Variants in PLD1 observed in about 807,000 individuals in gnomAD.
The protein encoded by PLD1 is choline phosphatase 1.
PLD1 carries 112 observed loss-of-function variants against 137.1 expected under a neutral mutation model. The ratio of observed to expected loss-of-function variants is 0.82; its 90% CI spans 0.70 to 0.96. The LOEUF (loss-of-function observed/expected upper bound fraction) is 0.96. Among genes scored for constraint, PLD1 ranks in the 40% least tolerant of loss-of-function variants. The probability of loss-of-function intolerance (pLI) is 0.00; values close to 1 mark genes in which losing one functional copy is unlikely to be tolerated. For missense variants in PLD1, 1,321 were observed against 1,342.0 expected (o/e 0.98, Z 0.24); for synonymous variants, 431 against 454.7 (o/e 0.95, Z 0.66).
intron 1 of PLD1, among the ~76,000 whole-genome samples, chr3:171,769,910 C>T (rs1158427577): frequency 6.6e-6 from 1 of 152,154 alleles, no homozygotes; most frequent in Admixed American, 6.5e-5. Context: ...AACACTAGTA[C>T]ATTACCCTGA....
chr3:171,701,107 T>C (rs1716200861), intron 11 of PLD1, among the ~76,000 whole-genome samples: 1 of 152,338 alleles, frequency 6.6e-6, no homozygotes, highest in Non-Finnish European at 1.5e-5. Context: ...ATCAATTTTA[T>C]GCTCTATTTC....
intron 21 of PLD1, chr3:171,653,449 C>G (rs550055065): frequency 6.6e-6 from 1 of 152,068 alleles, no homozygotes; most frequent in East Asian, 1.9e-4. Context: ...AAATTGATTC[C>G]CAGGAAGAGT....
chr3:171,673,007 CTTA>C (rs989685279), intron 19 of PLD1, among the ~76,000 whole-genome samples: 26 of 152,300 alleles, frequency 1.7e-4, no homozygotes, highest in African/African-American at 6.3e-4. Context: ...TCAACAGATA[CTTA>C]TTAACATCAG....
intron 8 of PLD1, chr3:171,721,656 C>T (rs955834102): frequency 7.2e-5 from 11 of 152,108 alleles, no homozygotes; most frequent in Non-Finnish European, 1.5e-4. Flanking sequence ...GAGGAGTGGT[C>T]AGAAGGAATC....
At chr3:171,782,080 G>A (rs911670336) in intron 1 of PLD1, among the ~76,000 whole-genome samples, 6 of 152,192 alleles carry the variant, frequency 3.9e-5, no homozygotes, top group Admixed American at 3.9e-4. Flanking sequence ...TGATACACAT[G>A]ATATGAATAC....
At chr3:171,727,071 T>C (rs1437345408) in intron 6 of PLD1, among the ~76,000 whole-genome samples, 2 of 152,198 alleles carry the variant, frequency 1.3e-5, no homozygotes, top group Non-Finnish European at 2.9e-5. Context: ...ATGAAGATAA[T>C]CTAATTTTAT....
intron 22 of PLD1, among the ~76,000 whole-genome samples, chr3:171,644,198 T>C (rs1190780939): frequency 6.6e-6 from 1 of 152,132 alleles, no homozygotes; most frequent in Non-Finnish European, 1.5e-5. Flanking sequence ...GAGATTTTGG[T>C]TAAGTGACCC....
intron 23 of PLD1, among the ~76,000 whole-genome samples, chr3:171,638,050 C>CG (rs927491647): frequency 6.6e-6 from 1 of 151,864 alleles, no homozygotes; most frequent in Non-Finnish European, 1.5e-5. Context: ...CCAGGTGCGG[C>CG]GATGGGCGCC....
At chr3:171,652,804 T>G (rs1736902197) in intron 21 of PLD1, among the ~76,000 whole-genome samples, 1 of 127,076 alleles carries the variant, frequency 7.9e-6, no homozygotes, top group South Asian at 2.6e-4. Flanking sequence ...TTGTAGAGAC[T>G]AGGTCTCACT....
At chr3:171,748,075 A>G (rs1720378242) in intron 1 of PLD1, among the ~76,000 whole-genome samples, 1 of 152,248 alleles carries the variant, frequency 6.6e-6, no homozygotes, top group South Asian at 2.1e-4. Flanking sequence ...ATCACCCAGA[A>G]GACAAAAACT....
intron 9 of PLD1, among the ~76,000 whole-genome samples, chr3:171,711,299 T>C (rs1717207836): frequency 6.6e-6 from 1 of 151,064 alleles, no homozygotes. Flanking sequence ...GCCTCCTAAG[T>C]AGCTGGGACT....
intron 9 of PLD1, 34 bp from the exon 10 acceptor site, chr3:171,709,743 G>T: frequency 6.3e-7 from 1 of 1,592,748 alleles, no homozygotes; most frequent in Admixed American, 1.7e-5. Context: ...GAAAAGACTG[G>T]TCACTCTGTT....
In PLD1 at chr3:171,612,436, T is replaced by C; in HGVS notation, c.2729-4A>G. The C allele has an allele frequency of 3.7e-6, 6 of 1,613,732 alleles. No individual in the cohort carries two copies. Among genetic ancestry groups the C allele is most frequent in the Non-Finnish European group, 5.1e-6 (6 of 1,179,664 alleles). On this transcript the variant is annotated splice_region_variant and splice_polypyrimidine_tract_variant and intron_variant, in intron 24 of 26. Transcript: ENST00000351298. The surrounding 1 kb of genome is among the most constrained non-coding windows in gnomAD (Gnocchi z 4.1). ...CGGTCATTTATGTTGGCAGAGCCTG[T>C]AAGGAGAAACAGTGAGGCTGAACAA...
rs534096737 is a variant in PLD1 at position 171,706,024 on chromosome 3, A to ACCATT, written c.1145+2726_1145+2730dup. On this transcript the variant is annotated intron_variant, in intron 11 of 26. Coordinates refer to ENST00000351298, the MANE Select transcript of PLD1 (RefSeq NM_002662.5). ...TGCTCTTTAAAGAAAAAGGTTACTAACCATTTTTGAAAGTCAGTGGCTTTA... is the reference window on the plus strand; with the variant it reads ...TGCTCTTTAAAGAAAAAGGTTACTAACCATTCCATTTTTGAAAGTCAGTGGCTTTA... Among the ~76,000 whole-genome samples, 37 of 152,298 alleles carry ACCATT rather than the reference A, an allele frequency of 2.4e-4. 2 individuals are homozygous for ACCATT. In the East Asian group the frequency reaches 7.1e-3, roughly 29 times the overall value.
chr3:171,606,310 C>T lies in PLD1; in HGVS notation c.2883-894G>A, dbSNP rs571329739. Reference sequence around the variant, plus strand: ...GCTGGTTTGTGGGAGATCAGGAATTCGATTTTGAGCCTGTTGAGACATCTA... The same window carrying T: ...GCTGGTTTGTGGGAGATCAGGAATTTGATTTTGAGCCTGTTGAGACATCTA... On this transcript the variant is annotated intron_variant, in intron 25 of 26. Transcript: ENST00000351298. Among the ~76,000 whole-genome samples the T allele has an allele frequency of 1.1e-4, 16 of 152,210 alleles. No individual in the cohort carries two copies. In the East Asian group the frequency reaches 2.1e-3, roughly 20 times the overall value.
chr3:171,807,931 G>A (rs1723919278), intron 1 of PLD1, among the ~76,000 whole-genome samples: 1 of 152,204 alleles, frequency 6.6e-6, no homozygotes. Context: ...TAGAAACATG[G>A]ATGCGGATGG....
intron 23 of PLD1, among the ~76,000 whole-genome samples, chr3:171,635,024 T>C (rs1320672813): frequency 6.6e-6 from 1 of 152,100 alleles, no homozygotes; most frequent in Non-Finnish European, 1.5e-5. Context: ...AACCAGACAA[T>C]ATGTGGCCTT....
intron 1 of PLD1, chr3:171,789,440 A>G (rs547516665): frequency 7.9e-5 from 12 of 152,368 alleles, no homozygotes; most frequent in Admixed American, 3.9e-4. Flanking sequence ...AATCTAATTT[A>G]TGCTTCAGAA....
rs867987675 is a variant in PLD1, at chr3:171,700,053, T to C, written c.1146-227A>G. Among the ~76,000 whole-genome samples the C allele has an allele frequency of 1.0e-3, 157 of 151,050 alleles. 1 individual carries two copies. Among genetic ancestry groups the C allele is most frequent in the Middle Eastern group, 6.9e-3 (2 of 288 alleles). On this transcript the variant is annotated intron_variant, in intron 11 of 26. Transcript: ENST00000351298. ...AGTTCTTTCTCTCTCTCTCTCTCTC[T>C]CCCCCCTCTTTAACTGTCTCTCATA...
Sources: allele counts gnomAD v4.1 joint callset (sites outside exome capture counted in the v4.1 genomes callset), GRCh38; gene constraint gnomAD v4.1.1; non-coding constraint Gnocchi (gnomAD v3.1); transcripts MANE v1.5; gene names NCBI Gene and HGNC (gene_info 2026-07-23, HGNC 2026-07-21).